NEBL: variants seen among roughly 807,000 people sequenced by gnomAD.
NEBL encodes LIM and SH3 protein 2.
NEBL carries 122 observed loss-of-function variants against 140.2 expected under a neutral mutation model. The observed-to-expected ratio is 0.87, with a 90% CI of 0.75 to 1.01. NEBL has a LOEUF of 1.01. NEBL is among the 50% of genes least tolerant of loss of function. The pLI is 0.00. For synonymous variants in NEBL, 436 were observed against 398.9 expected (o/e 1.09, Z -1.11); for missense variants, 1,365 against 1,231.3 (o/e 1.11, Z -1.62).
intron 3 of NEBL, among the ~76,000 whole-genome samples, chr10:20,984,893 G>A (rs118010113): frequency 0.02 from 3,025 of 152,188 alleles, 77 homozygotes; most frequent in Non-Finnish European, 0.023. Flanking sequence ...ATCAGCGGTG[G>A]CATTAGATTC....
chr10:21,186,698 G>A (rs897516680), intron 3 of NEBL, among the ~76,000 whole-genome samples: 34 of 150,116 alleles, frequency 2.3e-4, no homozygotes, highest in Admixed American at 1.3e-3. Context: ...TATCGTTAGC[G>A]TTAGTGTATT....
chr10:20,875,075 G>A (rs144992348), intron 5 of NEBL, among the ~76,000 whole-genome samples: 2 of 152,240 alleles, frequency 1.3e-5, no homozygotes, highest in East Asian at 3.9e-4. Context: ...GTTCTTTGTT[G>A]CTTCCAACGA....
At chr10:21,029,383 G>C in intron 2 of NEBL, 3 of 1,611,594 alleles carry the variant, frequency 1.9e-6, no homozygotes, top group Non-Finnish European at 2.5e-6. Flanking sequence ...TTTACCACGT[G>C]AACCCAGCAA....
chr10:21,136,338 T>C (rs1185521685), intron 2 of NEBL, among the ~76,000 whole-genome samples: 1 of 152,186 alleles, frequency 6.6e-6, no homozygotes, highest in African/African-American at 2.4e-5. Context: ...ACTTTTTTGT[T>C]GTTGTTTAAA....
intron 2 of NEBL, among the ~76,000 whole-genome samples, chr10:21,021,975 G>A (rs546726592): frequency 2.0e-5 from 3 of 152,276 alleles, no homozygotes; most frequent in Non-Finnish European, 2.9e-5. Flanking sequence ...AAGGCATGTC[G>A]TCGCATTTGT....
chr10:21,129,802 G>A (rs988445740), intron 2 of NEBL, among the ~76,000 whole-genome samples: 7 of 151,964 alleles, frequency 4.6e-5, no homozygotes, highest in Admixed American at 2.0e-4. Flanking sequence ...AATTAAAACC[G>A]TAAAAATTAG....
chr10:20,818,749 G>T, intron 20 of NEBL: 2 of 965,290 alleles, frequency 2.1e-6, no homozygotes, highest in Non-Finnish European at 2.5e-6. Flanking sequence ...GTACATTTGG[G>T]TACTTAATGA....
intron 26 of NEBL, among the ~76,000 whole-genome samples, chr10:20,791,835 G>A (rs559778017): frequency 3.6e-4 from 55 of 152,314 alleles, no homozygotes; most frequent in African/African-American, 1.3e-3. Context: ...TCACTGGGGG[G>A]GATGTACGCA....
intron 2 of NEBL, chr10:21,146,546 CT>C (rs766685818): frequency 1.3e-6 from 2 of 1,542,016 alleles, no homozygotes; most frequent in African/African-American, 1.4e-5. Context: ...GAAAATGGTG[CT>C]GTGTTTGGGC....
intron 2 of NEBL, among the ~76,000 whole-genome samples, chr10:21,036,219 G>A (rs1345599252): frequency 6.6e-6 from 1 of 151,922 alleles, no homozygotes; most frequent in Non-Finnish European, 1.5e-5. Flanking sequence ...ACAGCATTTT[G>A]GGAGGCCGAG....
intron 2 of NEBL, chr10:21,110,692 C>G: frequency 4.1e-6 from 2 of 485,890 alleles, no homozygotes; most frequent in Admixed American, 4.4e-5. Context: ...ATGGAAGGCT[C>G]AGTGGACATG....
chr10:21,065,580 C>T (rs1284260988), intron 2 of NEBL, among the ~76,000 whole-genome samples: 1 of 152,206 alleles, frequency 6.6e-6, no homozygotes, highest in Admixed American at 6.5e-5. Flanking sequence ...TGTGCTAAAA[C>T]ACATTAATGT....
chr10:21,226,701 G>A (rs963188588), intron 3 of NEBL, among the ~76,000 whole-genome samples: 1 of 152,168 alleles, frequency 6.6e-6, no homozygotes, highest in East Asian at 1.9e-4. Flanking sequence ...TCTCCCTCCT[G>A]CAAGCACACA....
chr10:20,897,246 T>G lies in NEBL; in HGVS notation c.-41A>C. On this transcript the variant is annotated 5_prime_UTR_variant, in exon 1 of 28. It removes an upstream start codon present in the reference 5' UTR. Transcript: ENST00000377122. ...TATTTATATTTTTAAAATTTACTCA[T>G]GTGGCGTCCTTTTCCATACCACAGT... The G allele has an allele frequency of 6.5e-7, 1 of 1,535,392 alleles. No individual in the cohort carries two copies. The highest frequency in any genetic ancestry group is 8.7e-7 in the Non-Finnish European group (1 of 1,144,366).
intron 3 of NEBL, among the ~76,000 whole-genome samples, chr10:21,016,088 C>T (rs1334149630): frequency 6.6e-6 from 1 of 152,270 alleles, no homozygotes; most frequent in Non-Finnish European, 1.5e-5. Flanking sequence ...GGGCGTCTAA[C>T]CACTCTTCAT....
intron 2 of NEBL, among the ~76,000 whole-genome samples, chr10:21,034,798 C>T (rs1833947961): frequency 2.0e-5 from 3 of 151,986 alleles, no homozygotes; most frequent in South Asian, 2.1e-4. Context: ...AAATTAGCAT[C>T]TTTTTTAAAT....
intron 4 of NEBL, among the ~76,000 whole-genome samples, chr10:20,934,650 G>A (rs1834381101): frequency 6.6e-6 from 1 of 152,074 alleles, no homozygotes; most frequent in Non-Finnish European, 1.5e-5. Context: ...TAGACAGAAG[G>A]GGCCTGGATC....
chr10:20,800,369 T>C (rs1836999850), intron 26 of NEBL, among the ~76,000 whole-genome samples: 1 of 152,162 alleles, frequency 6.6e-6, no homozygotes, highest in Non-Finnish European at 1.5e-5. Context: ...TACCCATTCA[T>C]CCTTTGATGG....
chr10:20,918,515 G>A (rs898935088), intron 4 of NEBL, among the ~76,000 whole-genome samples: 2 of 152,080 alleles, frequency 1.3e-5, no homozygotes, highest in East Asian at 3.9e-4. Context: ...AATATACTTA[G>A]AGCACTTGAA....
Sources: allele counts gnomAD v4.1 joint callset (sites outside exome capture counted in the v4.1 genomes callset), GRCh38; gene constraint gnomAD v4.1.1; transcripts MANE v1.5; gene names NCBI Gene and HGNC (gene_info 2026-07-23, HGNC 2026-07-21).